The following ADAMTSL1 variants were observed in gnomAD, a reference collection of about 807,000 sequenced individuals.
The protein encoded by ADAMTSL1 is ADAMTS-like protein 1.
A neutral mutation model predicts 201.8 loss-of-function variants in ADAMTSL1; 126 were observed. That is an observed-to-expected ratio of 0.62 (90% CI 0.54 to 0.72). The LOEUF (loss-of-function observed/expected upper bound fraction) is 0.72. ADAMTSL1 is among the 30% of genes least tolerant of loss of function. The probability of loss-of-function intolerance (pLI) is 0.00; values close to 1 mark genes in which losing one functional copy is unlikely to be tolerated. For missense variants in ADAMTSL1, 2,679 were observed against 2,277.8 expected (o/e 1.18, Z -3.59); for synonymous variants, 1,121 against 903.4 (o/e 1.24, Z -4.32).
intron 1 of ADAMTSL1, among the ~76,000 whole-genome samples, chr9:18,072,114 G>A (rs1407385745): frequency 1.3e-5 from 2 of 152,100 alleles, no homozygotes; most frequent in African/African-American, 2.4e-5. Flanking sequence ...ATGTGCCGTG[G>A]GGATCTTATT....
At position 17,925,297 on chromosome 9, in the gene ADAMTSL1, C is replaced by T. The variant is rs1173103566; in HGVS notation, c.87+18375C>T. The stretch of plus-strand genomic sequence containing the variant: ...TCAACCATTGTGGAAGTCAGTGTGG[C>T]GATTCCTCAGGGATCTAGAACTAGA... On this transcript the variant is annotated intron_variant, in intron 1 of 29. Coordinates refer to the ADAMTSL1 transcript ENST00000680146. Among the ~76,000 whole-genome samples the T allele has an allele frequency of 1.1e-4, 14 of 121,756 alleles. 4 individuals carry two copies. The Middle Eastern group carries it at 0.02, about 171-fold the overall frequency. 79.9% of individuals were successfully genotyped at this position (121,756 alleles called of 152,430 possible). A position where few individuals can be genotyped will look rare whatever the true frequency, so the allele number is the denominator to read the frequency against.
intron 2 of ADAMTSL1, among the ~76,000 whole-genome samples, chr9:18,181,820 A>G (rs1243097403): frequency 1.3e-5 from 2 of 152,126 alleles, no homozygotes; most frequent in African/African-American, 4.8e-5. Context: ...TCATGCTGCT[A>G]TAAAGACACA....
intron 23 of ADAMTSL1, among the ~76,000 whole-genome samples, chr9:18,854,839 C>T (rs1826742717): frequency 6.6e-6 from 1 of 152,168 alleles, no homozygotes; most frequent in Non-Finnish European, 1.5e-5. Flanking sequence ...CCATAGGAAT[C>T]ATTAAATCTA....
intron 4 of ADAMTSL1, chr9:18,574,602 T>TGTGTGTGC (rs1822588042): frequency 2.4e-6 from 1 of 410,076 alleles, no homozygotes; most frequent in Non-Finnish European, 4.3e-6. Context: ...TGTTTGTGTG[T>TGTGTGTGC]GTGTGTGTGT....
At chr9:18,816,522 C>T (rs574910419) in intron 20 of ADAMTSL1, among the ~76,000 whole-genome samples, 51 of 152,250 alleles carry the variant, frequency 3.3e-4, no homozygotes, top group African/African-American at 1.2e-3. Flanking sequence ...CAGGCATGAG[C>T]CACTGCACCC....
intron 2 of ADAMTSL1, among the ~76,000 whole-genome samples, chr9:18,444,043 A>G (rs543533815): frequency 6.6e-6 from 1 of 152,352 alleles, no homozygotes; most frequent in African/African-American, 2.4e-5. Flanking sequence ...CATTTACTAT[A>G]GAAATGATAT....
chr9:18,145,186 A>C (rs1240142505), intron 1 of ADAMTSL1, among the ~76,000 whole-genome samples: 3 of 152,184 alleles, frequency 2.0e-5, no homozygotes, highest in Non-Finnish European at 2.9e-5. Flanking sequence ...AAAACTTTAA[A>C]AGCTCAAAGA....
At chr9:18,700,311 C>CTT (rs1057501270) in intron 13 of ADAMTSL1, among the ~76,000 whole-genome samples, 1 of 151,950 alleles carries the variant, frequency 6.6e-6, no homozygotes, top group East Asian at 1.9e-4. Flanking sequence ...TTATTTAAAA[C>CTT]TTTTTTTTGA....
At chr9:18,638,201 C>A (rs1716782480) in intron 6 of ADAMTSL1, among the ~76,000 whole-genome samples, 1 of 151,940 alleles carries the variant, frequency 6.6e-6, no homozygotes, top group Admixed American at 6.6e-5. Flanking sequence ...AATTGAACAC[C>A]AAGGTTTTCC....
intron 1 of ADAMTSL1, among the ~76,000 whole-genome samples, chr9:18,151,136 G>GT (rs1826891769): frequency 6.6e-6 from 1 of 152,006 alleles, no homozygotes. Context: ...ATCCAAATGT[G>GT]TTTGAGTTAT....
At chr9:18,124,970 G>A (rs1825671030) in intron 1 of ADAMTSL1, among the ~76,000 whole-genome samples, 1 of 152,156 alleles carries the variant, frequency 6.6e-6, no homozygotes, top group Non-Finnish European at 1.5e-5. Flanking sequence ...CATTCACCCA[G>A]TTTGGTATTG....
At chr9:18,093,989 C>T (rs180741804) in intron 1 of ADAMTSL1, among the ~76,000 whole-genome samples, 121 of 152,164 alleles carry the variant, frequency 8.0e-4, no homozygotes, top group Admixed American at 4.1e-3. Flanking sequence ...GGCTCCCAGG[C>T]GGAATTCTAG....
Position 18,654,312 on chromosome 9 carries a change from G to A in ADAMTSL1, c.835-3327G>A, listed in dbSNP as rs114097195. Among the ~76,000 whole-genome samples the A allele has an allele frequency of 6.1e-3, 936 of 152,324 alleles. 6 individuals carry two copies. The highest frequency in any genetic ancestry group is 0.021 in the African/African-American group (858 of 41,570). ...TTTTATCATTTGATGATAAAATCAA[G>A]TGATCAGTAACATCTTCAAGGAAAC... is the stretch of plus-strand genomic sequence containing the variant. On this transcript the variant is annotated intron_variant, in intron 7 of 28. Transcript: ENST00000380548.
At chr9:18,117,031 A>G (rs1009850285) in intron 1 of ADAMTSL1, among the ~76,000 whole-genome samples, 6 of 152,118 alleles carry the variant, frequency 3.9e-5, no homozygotes, top group African/African-American at 9.7e-5. Flanking sequence ...TTTTTTTCTC[A>G]TACACCTCAT....
intron 1 of ADAMTSL1, among the ~76,000 whole-genome samples, chr9:17,989,286 G>T (rs1457532176): frequency 6.6e-6 from 1 of 151,040 alleles, no homozygotes; most frequent in African/African-American, 2.4e-5. Flanking sequence ...TAAGCAGATT[G>T]TACTATATGT....
intron 5 of ADAMTSL1, among the ~76,000 whole-genome samples, chr9:18,631,194 T>C (rs1304598046): frequency 6.6e-6 from 1 of 152,188 alleles, no homozygotes; most frequent in African/African-American, 2.4e-5. Context: ...CATATAAAGA[T>C]GAAGTAGAGG....
intron 4 of ADAMTSL1, among the ~76,000 whole-genome samples, chr9:18,612,663 G>T (rs1825455562): frequency 6.6e-6 from 1 of 152,188 alleles, no homozygotes; most frequent in African/African-American, 2.4e-5. Flanking sequence ...TAACTGTCTA[G>T]CCATATGCAG....
intron 2 of ADAMTSL1, among the ~76,000 whole-genome samples, chr9:18,463,033 C>G (rs546348041): frequency 6.6e-6 from 1 of 152,072 alleles, no homozygotes; most frequent in African/African-American, 2.4e-5. Flanking sequence ...TGCAAAGGCT[C>G]CAGGAGCACA....
chr9:18,848,043 T>C (rs1826243806), intron 23 of ADAMTSL1, among the ~76,000 whole-genome samples: 1 of 152,240 alleles, frequency 6.6e-6, no homozygotes, highest in South Asian at 2.1e-4. Context: ...AACAGAGGCT[T>C]ATCAGGCTGG....
Sources: allele counts gnomAD v4.1 joint callset (sites outside exome capture counted in the v4.1 genomes callset), GRCh38; gene constraint gnomAD v4.1.1; transcripts MANE v1.5; gene names NCBI Gene and HGNC (gene_info 2026-07-23, HGNC 2026-07-21).